Variants in PTPRR observed in about 807,000 individuals in gnomAD.
PTPRR encodes the protein receptor-type tyrosine-protein phosphatase R.
PTPRR carries 38 observed loss-of-function variants against 77.2 expected under a neutral mutation model. The ratio of observed to expected loss-of-function variants is 0.49; its 90% CI spans 0.38 to 0.65. The LOEUF (loss-of-function observed/expected upper bound fraction) is 0.65, where lower values mean the gene tolerates loss of function less well. Ranked by LOEUF, PTPRR falls within the 30% of genes least tolerant of loss-of-function variation. PTPRR has a pLI of 0.00. For synonymous variants in PTPRR, 299 were observed against 283.1 expected, an observed-to-expected ratio of 1.06 and a Z score of -0.57; for missense variants, 744 against 799.2, an observed-to-expected ratio of 0.93 and a Z score of 0.83.
chr12:70,815,583 A>G (rs562034824), intron 2 of PTPRR, among the ~76,000 whole-genome samples: 1 of 152,286 alleles, frequency 6.6e-6, no homozygotes, highest in African/African-American at 2.4e-5. Flanking sequence ...GGGTGAGGAA[A>G]GTAAGGATGT....
intron 2 of PTPRR, among the ~76,000 whole-genome samples, chr12:70,854,185 C>A (rs1249986168): frequency 6.6e-6 from 1 of 152,186 alleles, no homozygotes; most frequent in Non-Finnish European, 1.5e-5. Flanking sequence ...CACCAACAGT[C>A]CCCTAGTTTG....
rs1890776211 is a variant in PTPRR, at chr12:70,764,781, AG to A, written c.358-4del. ...TTGTTTACATCCATTTGCAGTGTCTAGAAAATAAGGACAAAAATAAATCCAA... is the reference window on the plus strand; with the variant it reads ...TTGTTTACATCCATTTGCAGTGTCTAAAAATAAGGACAAAAATAAATCCAA... On this transcript the variant is annotated splice_polypyrimidine_tract_variant and splice_region_variant and intron_variant, in intron 2 of 13. Transcript: ENST00000283228. The A allele has an allele frequency of 6.2e-7, 1 of 1,602,946 alleles. No homozygotes were observed. Among genetic ancestry groups the A allele is most frequent in the African/African-American group, 1.3e-5 (1 of 74,680 alleles).
intron 2 of PTPRR, among the ~76,000 whole-genome samples, chr12:70,779,785 G>A (rs1044315427): frequency 6.6e-6 from 1 of 152,086 alleles, no homozygotes; most frequent in African/African-American, 2.4e-5. Flanking sequence ...TATATGATAG[G>A]CTTGGAAAGG....
chr12:70,672,467 G>C, intron 10 of PTPRR: 3 of 1,107,938 alleles, frequency 2.7e-6, no homozygotes, highest in Non-Finnish European at 4.1e-6. Flanking sequence ...CATGTGGCTG[G>C]CTTCACTGCG....
At chr12:70,859,338 C>T (rs1892709366) in intron 2 of PTPRR, among the ~76,000 whole-genome samples, 1 of 151,998 alleles carries the variant, frequency 6.6e-6, no homozygotes, top group South Asian at 2.1e-4. Flanking sequence ...GTTGGGCCTC[C>T]AGGTTTCTGT....
intron 13 of PTPRR, among the ~76,000 whole-genome samples, chr12:70,653,566 G>A (rs933068331): frequency 2.0e-5 from 3 of 152,128 alleles, no homozygotes; most frequent in African/African-American, 7.2e-5. Context: ...AGTCCTGTGA[G>A]TTATACATTA....
At chr12:70,820,327 T>C (rs1184324562) in intron 2 of PTPRR, among the ~76,000 whole-genome samples, 2 of 152,112 alleles carry the variant, frequency 1.3e-5, no homozygotes, top group Non-Finnish European at 1.5e-5. Context: ...TGAGCTCTTT[T>C]TTCTTTTTTC....
intron 6 of PTPRR, among the ~76,000 whole-genome samples, chr12:70,743,168 G>C (rs1273029318): frequency 6.6e-6 from 1 of 152,110 alleles, no homozygotes; most frequent in Non-Finnish European, 1.5e-5. Context: ...GGAATCTGGA[G>C]GAGACCGAAG....
intron 2 of PTPRR, among the ~76,000 whole-genome samples, chr12:70,860,815 C>T (rs959832167): frequency 3.9e-5 from 6 of 152,108 alleles, no homozygotes; most frequent in African/African-American, 1.2e-4. Context: ...GTTTGAATTC[C>T]TATTATGTGT....
At chr12:70,693,822 T>C (rs1303790987) in intron 8 of PTPRR, among the ~76,000 whole-genome samples, 4 of 152,200 alleles carry the variant, frequency 2.6e-5, no homozygotes, top group Admixed American at 1.3e-4. Context: ...ACTGTAAACT[T>C]CTCTATACAT....
chr12:70,777,603 G>T (rs1891116928), intron 2 of PTPRR, among the ~76,000 whole-genome samples: 1 of 152,080 alleles, frequency 6.6e-6, no homozygotes, highest in African/African-American at 2.4e-5. Flanking sequence ...AGACTACCCA[G>T]AATTCTCCAT....
chr12:70,882,310 C>G (rs1252998757), intron 2 of PTPRR, among the ~76,000 whole-genome samples: 1 of 151,982 alleles, frequency 6.6e-6, no homozygotes. Context: ...TTCTTTGCAC[C>G]CCATCACTAG....
chr12:70,767,154 A>G (rs1324278075), intron 2 of PTPRR, among the ~76,000 whole-genome samples: 1 of 152,130 alleles, frequency 6.6e-6, no homozygotes, highest in Non-Finnish European at 1.5e-5. Flanking sequence ...GATCAAATTC[A>G]CACATAACAA....
chr12:70,754,812 C>CT (rs200305919), intron 4 of PTPRR: 80,654 of 993,780 alleles, frequency 0.081, 4 homozygotes, highest in South Asian at 0.093. Context: ...TTAATCACAT[C>CT]TTTTTTTTTT....
At chr12:70,700,558 T>C (rs1441051887) in intron 7 of PTPRR, among the ~76,000 whole-genome samples, 6 of 152,188 alleles carry the variant, frequency 3.9e-5, no homozygotes, top group Admixed American at 3.9e-4. Flanking sequence ...CCTCATTCAA[T>C]TAATCCCACT....
At position 70,857,129 on chromosome 12, in the gene PTPRR, A is replaced by G. The variant is rs372934441; in HGVS notation, c.357+35550T>C. Among the ~76,000 whole-genome samples the G allele has an allele frequency of 3.3e-5, 5 of 152,284 alleles. No individual in the cohort carries two copies. The South Asian group carries it at 1.0e-3, about 32-fold the overall frequency. ...GGAGATATAGGTTTTGGGAATCATCAGTAAATACATATTTGATATCCTGGA... is the reference window on the plus strand; with the variant it reads ...GGAGATATAGGTTTTGGGAATCATCGGTAAATACATATTTGATATCCTGGA... On this transcript the variant is annotated intron_variant, in intron 2 of 13. Transcript: ENST00000283228.
chr12:70,911,003 G>C (rs942080346), intron 1 of PTPRR, among the ~76,000 whole-genome samples: 6 of 152,192 alleles, frequency 3.9e-5, no homozygotes, highest in Non-Finnish European at 7.3e-5. Context: ...GGTCACCTGA[G>C]GTAAAATCAG....
intron 6 of PTPRR, among the ~76,000 whole-genome samples, chr12:70,719,832 C>T (rs370725880): frequency 6.3e-4 from 96 of 152,186 alleles, no homozygotes; most frequent in African/African-American, 2.1e-3. Context: ...TGGTACGTGG[C>T]CCTTTCTTTG....
chr12:70,766,769 G>A (rs1414421179), intron 2 of PTPRR, among the ~76,000 whole-genome samples: 2 of 152,004 alleles, frequency 1.3e-5, no homozygotes, highest in African/African-American at 2.4e-5. Flanking sequence ...AGAGAGAAAG[G>A]TCGGGTTACC....
Sources: allele counts gnomAD v4.1 joint callset (sites outside exome capture counted in the v4.1 genomes callset), GRCh38; gene constraint gnomAD v4.1.1; transcripts MANE v1.5; gene names NCBI Gene and HGNC (gene_info 2026-07-23, HGNC 2026-07-21).